PTPRR: variants seen among roughly 807,000 people sequenced by gnomAD.
PTPRR encodes the protein receptor-type tyrosine-protein phosphatase R.
Under a neutral mutation model 77.2 loss-of-function variants are expected in PTPRR, and 38 were observed. The ratio of observed to expected loss-of-function variants is 0.49; its 90% CI spans 0.38 to 0.65. The LOEUF (loss-of-function observed/expected upper bound fraction) is 0.65. PTPRR is among the 30% of genes least tolerant of loss of function. The pLI, the probability that PTPRR is intolerant of heterozygous loss-of-function variation, is 0.00. For missense variants in PTPRR, 744 were observed against 799.2 expected, an observed-to-expected ratio of 0.93 and a Z score of 0.83; for synonymous variants, 299 against 283.1, an observed-to-expected ratio of 1.06 and a Z score of -0.57.
chr12:70,679,016 T>G (rs959324815), intron 10 of PTPRR, among the ~76,000 whole-genome samples: 1 of 152,196 alleles, frequency 6.6e-6, no homozygotes, highest in Non-Finnish European at 1.5e-5. Context: ...AGGTGTGTCA[T>G]TAAGTTATCA....
In PTPRR at chr12:70,764,590, G is replaced by A. The variant is rs1592742148; in HGVS notation, c.471+75C>T. ...TTGGCTCATTAGCCATACAACTATA[G>A]CATGAGCCCTTTAGTGATTAAAAAA... On this transcript the variant is annotated intron_variant, in intron 3 of 13. Coordinates refer to ENST00000283228, the MANE Select transcript of PTPRR (RefSeq NM_002849.4). The A allele has an allele frequency of 3.5e-5, 42 of 1,211,482 alleles. No homozygotes were observed. In the East Asian group the frequency reaches 9.6e-4, roughly 28 times the overall value. The allele number at this position is 1,211,482 out of a possible 1,614,324, so 75.0% of individuals were successfully genotyped here.
chr12:70,754,652 T>A, intron 4 of PTPRR: 1 of 1,597,730 alleles, frequency 6.3e-7, no homozygotes, highest in Non-Finnish European at 8.5e-7. Context: ...TTCCTTACTC[T>A]GTTTTAAGTC....
intron 6 of PTPRR, among the ~76,000 whole-genome samples, chr12:70,728,406 G>A (rs1336734017): frequency 6.4e-5 from 9 of 139,862 alleles, no homozygotes; most frequent in East Asian, 2.1e-4. Context: ...CAAGCATTTC[G>A]GATAAGGGAT....
chr12:70,726,512 C>G (rs1228487098), intron 6 of PTPRR, among the ~76,000 whole-genome samples: 1 of 151,806 alleles, frequency 6.6e-6, no homozygotes, highest in Non-Finnish European at 1.5e-5. Flanking sequence ...TATAACAGTG[C>G]CTGGAATGTA....
intron 6 of PTPRR, among the ~76,000 whole-genome samples, chr12:70,715,579 G>A (rs866052305): frequency 1.3e-5 from 2 of 152,164 alleles, no homozygotes; most frequent in African/African-American, 4.8e-5. Flanking sequence ...GCCACGCCCA[G>A]GGGGGCCAGT....
intron 2 of PTPRR, among the ~76,000 whole-genome samples, chr12:70,877,171 T>C (rs1372468384): frequency 6.6e-6 from 1 of 152,156 alleles, no homozygotes; most frequent in Non-Finnish European, 1.5e-5. Context: ...TAAGTAGGGC[T>C]TCGGTCAGGC....
chr12:70,853,945 T>C (rs940644054), intron 2 of PTPRR, among the ~76,000 whole-genome samples: 7 of 152,216 alleles, frequency 4.6e-5, no homozygotes, highest in Non-Finnish European at 2.9e-5. Context: ...TAGATGTGTG[T>C]TTGTGACTCA....
At chr12:70,764,428 T>C (rs1890764931) in intron 3 of PTPRR, among the ~76,000 whole-genome samples, 1 of 152,118 alleles carries the variant, frequency 6.6e-6, no homozygotes, top group South Asian at 2.1e-4. Context: ...TGATAAACAG[T>C]TTAGGCTTCA....
intron 1 of PTPRR, among the ~76,000 whole-genome samples, chr12:70,904,336 A>C (rs2137129980): frequency 6.6e-6 from 1 of 152,054 alleles, no homozygotes; most frequent in South Asian, 2.1e-4. Context: ...GTGGATAGAT[A>C]AACTATGATA....
At chr12:70,796,051 G>A (rs1177393280) in intron 2 of PTPRR, among the ~76,000 whole-genome samples, 1 of 150,186 alleles carries the variant, frequency 6.7e-6, no homozygotes, top group African/African-American at 2.4e-5. Flanking sequence ...AGCCTGCTGA[G>A]TAGCTGGGAC....
At chr12:70,719,850 G>A (rs2136841314) in intron 6 of PTPRR, among the ~76,000 whole-genome samples, 1 of 152,274 alleles carries the variant, frequency 6.6e-6, no homozygotes, top group African/African-American at 2.4e-5. Flanking sequence ...TTGTTTATCT[G>A]ATTTGCCTTT....
At chr12:70,766,076 G>C (rs1269484539) in intron 2 of PTPRR, among the ~76,000 whole-genome samples, 3 of 152,152 alleles carry the variant, frequency 2.0e-5, no homozygotes, top group Admixed American at 6.5e-5. Flanking sequence ...AAACAGAGCA[G>C]AAAAACTGGA....
intron 2 of PTPRR, among the ~76,000 whole-genome samples, chr12:70,795,240 C>T (rs1891490906): frequency 6.6e-6 from 1 of 152,132 alleles, no homozygotes; most frequent in African/African-American, 2.4e-5. Flanking sequence ...TTTTGTTACA[C>T]ACCCAACTTA....
rs138180408 is a variant in PTPRR at position 70,814,836 on chromosome 12, G to A, written c.358-50058C>T. Among the ~76,000 whole-genome samples, 132 of 152,238 alleles carry A rather than the reference G, an allele frequency of 8.7e-4. 2 individuals are homozygous for A. The Middle Eastern group carries it at 0.02, about 24-fold the overall frequency. ...TGGTTTTAAGTAACTCAATTACTTGGAAACATAATTAAAAATTTTAACAAA... is the reference window on the plus strand; with the variant it reads ...TGGTTTTAAGTAACTCAATTACTTGAAAACATAATTAAAAATTTTAACAAA... On this transcript the variant is annotated intron_variant, in intron 2 of 13. Transcript: ENST00000283228.
At chr12:70,701,797 A>AC (rs1033752859) in intron 6 of PTPRR, among the ~76,000 whole-genome samples, 47 of 151,710 alleles carry the variant, frequency 3.1e-4, no homozygotes, top group African/African-American at 9.7e-4. Context: ...ACATGGTAAA[A>AC]CCCTGTCTCT....
chr12:70,650,452 A>AATATAT (rs10585997), intron 13 of PTPRR, among the ~76,000 whole-genome samples: 2 of 150,342 alleles, frequency 1.3e-5, no homozygotes, highest in African/African-American at 2.4e-5. Flanking sequence ...AACAAAACAA[A>AATATAT]ATATATATAT....
At chr12:70,814,254 T>C (rs1055768785) in intron 2 of PTPRR, among the ~76,000 whole-genome samples, 4 of 152,188 alleles carry the variant, frequency 2.6e-5, no homozygotes, top group Non-Finnish European at 4.4e-5. Flanking sequence ...CTTGTCCTAA[T>C]TGTCATCTGG....
intron 6 of PTPRR, among the ~76,000 whole-genome samples, chr12:70,712,697 C>T (rs1192647223): frequency 1.3e-5 from 2 of 151,826 alleles, no homozygotes; most frequent in Non-Finnish European, 2.9e-5. Context: ...CGTTTTTATG[C>T]TTGCTATAAG....
chr12:70,765,836 C>G (rs1053792082), intron 2 of PTPRR, among the ~76,000 whole-genome samples: 4 of 152,208 alleles, frequency 2.6e-5, no homozygotes, highest in African/African-American at 9.6e-5. Flanking sequence ...AACGATCAGA[C>G]AGCAGCATTC....
Sources: gnomAD v4.1 joint callset for allele counts (sites outside exome capture counted in the v4.1 genomes callset) on GRCh38, gnomAD v4.1.1 for gene constraint, MANE v1.5 for transcripts, NCBI Gene and HGNC (gene_info 2026-07-23, HGNC 2026-07-21) for gene names.